Variants in USH1C observed in about 807,000 individuals in gnomAD.
USH1C encodes the protein USH1 protein network component harmonin.
USH1C carries 90 observed loss-of-function variants against 119.3 expected under a neutral mutation model. The ratio of observed to expected loss-of-function variants is 0.75; its 90% confidence interval spans 0.64 to 0.90. The LOEUF (loss-of-function observed/expected upper bound fraction) is 0.90, where lower values mean the gene tolerates loss of function less well. USH1C is among the 40% of genes least tolerant of loss of function. USH1C has a pLI of 0.00. For synonymous variants in USH1C, 465 were observed against 443.3 expected (o/e 1.05, Z -0.62); for missense variants, 1,165 against 1,167.7 (o/e 1.00, Z 0.03).
At chr11:17,539,614 C>A (rs1851371248) in intron 1 of USH1C, among the ~76,000 whole-genome samples, 1 of 151,998 alleles carries the variant, frequency 6.6e-6, no homozygotes, top group Non-Finnish European at 1.5e-5. Flanking sequence ...AGCGAGTGGC[C>A]CTCTGTAGAT....
intron 9 of USH1C, 93 bp from the exon 10 acceptor site, chr11:17,523,571 T>A (rs1245290578): frequency 8.1e-7 from 1 of 1,237,632 alleles, no homozygotes; most frequent in Non-Finnish European, 1.2e-6. Context: ...CTGGGTCAGA[T>A]GCTGGATCTT....
rs1348084939 is a variant in USH1C at position 17,531,785 on chromosome 11, G to C, written c.105-243C>G. Reference sequence around the variant, plus strand: ...TGACTCATTTTGCAGATGAGATGAAGCCAGGATTTCAAACTCAGCGCTGCC... The same window carrying C: ...TGACTCATTTTGCAGATGAGATGAACCCAGGATTTCAAACTCAGCGCTGCC... On this transcript the variant is annotated intron_variant, in intron 2 of 26. Transcript: ENST00000005226. This position sits in a 1 kb window ranked among gnomAD's most constrained non-coding sequence, Gnocchi z 4.2. Among the ~76,000 whole-genome samples the C allele has an allele frequency of 3.3e-5, 5 of 152,198 alleles. No homozygotes were observed. Among genetic ancestry groups the C allele is most frequent in the African/African-American group, 1.2e-4 (5 of 41,450 alleles).
Position 17,523,419 on chromosome 11 carries a change from C to T in USH1C, c.819G>A (p.Glu273=), listed in dbSNP as rs754746834. ...GVDFSNLDHK[E]AVNVLKSSRS... ...ACAGGTGAAGACCCCCACATCTCAC[C>T]TCCTTGTGATCCAGGTTAGAGAAGT... The change falls in exon 10 of 27, where the codon GAG becomes GAA. Residue 273 remains glutamate, a splice_region_variant and synonymous_variant. Coordinates refer to ENST00000005226, the MANE Select transcript of USH1C (RefSeq NM_153676.4). The T allele has an allele frequency of 1.2e-6, 2 of 1,614,212 alleles. No individual in the cohort carries two copies. Among genetic ancestry groups the T allele is most frequent in the South Asian group, 2.2e-5 (2 of 91,082 alleles).
At chr11:17,497,700 T>A (rs998451978) in intron 24 of USH1C, among the ~76,000 whole-genome samples, 4 of 152,146 alleles carry the variant, frequency 2.6e-5, no homozygotes, top group African/African-American at 9.7e-5. Context: ...CCCCCTCAGA[T>A]TATGTAGTGC....
intron 24 of USH1C, among the ~76,000 whole-genome samples, chr11:17,497,540 C>T (rs924794532): frequency 6.6e-6 from 1 of 152,270 alleles, no homozygotes; most frequent in African/African-American, 2.4e-5. Context: ...CTCTTCTCCA[C>T]ATCCCTTCAT....
intron 11 of USH1C, 52 bp from the exon 12 acceptor site, chr11:17,522,978 C>T (rs771082444): frequency 3.8e-6 from 6 of 1,597,724 alleles, no homozygotes; most frequent in South Asian, 3.4e-5. Flanking sequence ...CCTGGGGATC[C>T]CCTGACACAC....
intron 15 of USH1C, among the ~76,000 whole-genome samples, chr11:17,512,554 T>G (rs1849943224): frequency 1.3e-5 from 2 of 152,366 alleles, no homozygotes; most frequent in African/African-American, 4.8e-5. Context: ...GATTCAGAGA[T>G]GCATCCTGGG....
In USH1C at chr11:17,510,446, G is replaced by A. The variant is rs764799830; in HGVS notation, c.1489C>T (p.Arg497Cys). 8.1e-6 allele frequency: 13 copies of A among 1,612,782 alleles called. No individual in the cohort carries two copies. In the Admixed American group the frequency reaches 8.3e-5, roughly 10 times the overall value. The part of the protein sequence containing the change: ...QYWVERLCQT[R>C]LEQISSADNE... ...TCAGCAGAGGAAATCTGCTCGAGGC[G>A]CGTTTGACAGAGCCTCTCCACCCAA... is the stretch of plus-strand genomic sequence containing the variant. The change falls in exon 17 of 27, where the codon CGC becomes TGC. Residue 497 changes from arginine (R) to cysteine (C), a missense_variant. Arg to Cys is a radical substitution (Grantham distance 180, BLOSUM62 -3). Coordinates refer to ENST00000005226, the MANE Select transcript of USH1C (RefSeq NM_153676.4).
rs1295060309 is a variant in USH1C at position 17,520,949 on chromosome 11, G to A, written c.1131C>T (p.Asp377=). Reference sequence around the variant, plus strand: ...AGAGTAGCTGTTCCTTTGAGCCCCAGTCTTCTTCCCATTGCTTCTTAAACT... The same window carrying A: ...AGAGTAGCTGTTCCTTTGAGCCCCAATCTTCTTCCCATTGCTTCTTAAACT... ...EEKFKKQWEE[D]WGSKEQLLLP... Residue 377 remains aspartate (D), a synonymous_variant, in exon 14 of 27, where the codon GAC becomes GAT. Coordinates refer to ENST00000005226, the MANE Select transcript of USH1C (RefSeq NM_153676.4). 5.6e-6 allele frequency: 9 copies of A among 1,613,976 alleles called. No individual in the cohort carries two copies.
intron 1 of USH1C, among the ~76,000 whole-genome samples, chr11:17,538,840 C>A (rs1851333647): frequency 6.6e-6 from 1 of 152,174 alleles, no homozygotes; most frequent in African/African-American, 2.4e-5. Context: ...GGTTCCTCCA[C>A]CCAAGGCTGC....
chr11:17,517,698 G>A (rs1255202240), intron 14 of USH1C, among the ~76,000 whole-genome samples: 1 of 152,218 alleles, frequency 6.6e-6, no homozygotes, highest in Non-Finnish European at 1.5e-5. Context: ...TTTTCTGTCT[G>A]TACAAAGGGC....
chr11:17,517,539 G>A lies in USH1C; in HGVS notation c.1211-1249C>T, dbSNP rs116225056. On this transcript the variant is annotated intron_variant, in intron 14 of 26. Coordinates refer to ENST00000005226, the MANE Select transcript of USH1C (RefSeq NM_153676.4). The stretch of plus-strand genomic sequence containing the variant: ...GGACTTGGGAGCCCAAGAGGCCGGA[G>A]AACCTTCTCAGGAGTTTGGGGACCT... 6,630 of 1,503,246 alleles carry A rather than the reference G, an allele frequency of 4.4e-3. 252 individuals carry two copies. In the African/African-American group the frequency reaches 0.075, roughly 17 times the overall value. The allele number at this position is 1,503,246 out of a possible 1,614,324, so 93.1% of individuals were successfully genotyped here. A position where few individuals can be genotyped will look rare whatever the true frequency, so the allele number is the denominator to read the frequency against.
chr11:17,495,469 C>T (rs1473981710), intron 26 of USH1C, 100 bp downstream of exon 26: 3 of 1,263,316 alleles, frequency 2.4e-6, no homozygotes, highest in Middle Eastern at 2.6e-4. Context: ...TGTGTACCCT[C>T]CAGACGCCAG....
intron 22 of USH1C, 75 bp downstream of exon 22, chr11:17,501,407 G>A: frequency 6.6e-7 from 1 of 1,522,554 alleles, no homozygotes; most frequent in South Asian, 1.2e-5. Context: ...CTTGAGAGTA[G>A]AGGCAGGAGA....
chr11:17,531,284 T>C lies in USH1C; in HGVS notation c.257A>G (p.Lys86Arg). 6.2e-7 allele frequency: 1 copy of C among 1,614,166 alleles called. No homozygotes were observed. Among genetic ancestry groups the C allele is most frequent in the Non-Finnish European group, 8.5e-7 (1 of 1,180,044 alleles). The change falls in exon 4 of 27, where the codon AAG becomes AGG. Residue 86 changes from lysine (K) to arginine (R), a missense_variant. Physicochemically the swap from Lys to Arg is conservative, Grantham distance 26. Coordinates refer to ENST00000005226, the MANE Select transcript of USH1C (RefSeq NM_153676.4). This position sits in a 1 kb window ranked among gnomAD's most constrained non-coding sequence, Gnocchi z 4.2. ...QLTPRRSRKL[K>R]EVRLDRLHPE... ...GTGCAGACGGTCCAGACGCACCTCC[T>C]TCAGCTTCCTGCCACACAGGAGAGG...
intron 19 of USH1C, 133 bp downstream of exon 19, chr11:17,505,697 A>G: frequency 7.5e-7 from 1 of 1,333,888 alleles, no homozygotes; most frequent in Non-Finnish European, 1.0e-6. Context: ...GGCCAATAAG[A>G]AGGTTAAGAG....
chr11:17,502,940 T>C (rs1849502135), intron 20 of USH1C, among the ~76,000 whole-genome samples: 1 of 152,110 alleles, frequency 6.6e-6, no homozygotes, highest in African/African-American at 2.4e-5. Context: ...AGCATGCAGG[T>C]CCCTAGACCA....
rs552691609 is a variant in USH1C, at chr11:17,516,324, A to T, written c.1211-34T>A. 14 of 1,602,546 alleles carry T rather than the reference A, an allele frequency of 8.7e-6. No homozygotes were observed. In the South Asian group the frequency reaches 1.3e-4, roughly 15 times the overall value. On this transcript the variant is annotated intron_variant, in intron 14 of 26. Coordinates refer to ENST00000005226, the MANE Select transcript of USH1C (RefSeq NM_153676.4). ...CACAGATAACAAAATGATGAGACAC[A>T]GTTCAGCTCAGCCAGAGCATCCATG...
chr11:17,523,967 A>G (rs1041308758), intron 9 of USH1C, among the ~76,000 whole-genome samples: 2 of 152,232 alleles, frequency 1.3e-5, no homozygotes, highest in Non-Finnish European at 2.9e-5. Context: ...GCAAACAGAC[A>G]TGAAGTAACT....
Sources: allele counts gnomAD v4.1 joint callset (sites outside exome capture counted in the v4.1 genomes callset), GRCh38; gene constraint gnomAD v4.1.1; non-coding constraint Gnocchi (gnomAD v3.1); transcripts MANE v1.5; gene names NCBI Gene and HGNC (gene_info 2026-07-23, HGNC 2026-07-21).